Variants in SNX29 observed in about 807,000 individuals in gnomAD.
SNX29 encodes the protein sorting nexin 29.
Under a neutral mutation model 102.1 loss-of-function variants are expected in SNX29, and 78 were observed. That is an observed-to-expected ratio of 0.76 (90% CI 0.64 to 0.92). The LOEUF (loss-of-function observed/expected upper bound fraction) is 0.92, where lower values mean the gene tolerates loss of function less well. Ranked by LOEUF, SNX29 falls within the 40% of genes least tolerant of loss-of-function variation. The pLI is 0.00. For synonymous variants in SNX29, 580 were observed against 414.5 expected (o/e 1.40, Z -4.85); for missense variants, 1,280 against 1,061.7 (o/e 1.21, Z -2.86).
intron 8 of SNX29, among the ~76,000 whole-genome samples, chr16:12,053,924 G>T (rs2050411565): frequency 6.6e-6 from 1 of 151,762 alleles, no homozygotes; most frequent in African/African-American, 2.4e-5. Flanking sequence ...GCTAAATTGA[G>T]ATTTGGATTC....
chr16:12,182,191 T>G (rs1035579928), intron 13 of SNX29, among the ~76,000 whole-genome samples: 18 of 24,010 alleles, frequency 7.5e-4, no homozygotes, highest in South Asian at 3.8e-3. Flanking sequence ...CCGGCCTAGT[T>G]TTTTTTTTTT....
chr16:12,538,871 G>C lies in SNX29; in HGVS notation c.2318+14030G>C, dbSNP rs556552140. On this transcript the variant is annotated intron_variant, in intron 20 of 20. Coordinates refer to ENST00000566228, the MANE Select transcript of SNX29 (RefSeq NM_032167.5). ...GAGGGGCACAGAGAACGGTAGATGG[G>C]GCCATTTGTACACTTGCACAGATTA... Among the ~76,000 whole-genome samples the C allele has an allele frequency of 2.0e-5, 3 of 151,462 alleles. No homozygotes were observed. In the East Asian group the frequency reaches 5.9e-4, roughly 30 times the overall value.
intron 14 of SNX29, among the ~76,000 whole-genome samples, chr16:12,209,543 G>A (rs555132189): frequency 5.3e-5 from 8 of 152,234 alleles, no homozygotes; most frequent in Non-Finnish European, 7.4e-5. Context: ...TCTCCAGCTC[G>A]AGACCCCTCA....
At chr16:12,135,619 G>T in intron 13 of SNX29, 3 of 1,345,630 alleles carry the variant, frequency 2.2e-6, no homozygotes, top group Non-Finnish European at 2.9e-6. Context: ...AATGGAGGGA[G>T]AGAGAAATCA....
chr16:12,111,641 C>A (rs994825416), intron 11 of SNX29, among the ~76,000 whole-genome samples: 1 of 152,176 alleles, frequency 6.6e-6, no homozygotes, highest in Non-Finnish European at 1.5e-5. Flanking sequence ...TGGCTTTGGG[C>A]ATAGCCACCC....
At chr16:12,336,789 G>GA (rs1051257235) in intron 15 of SNX29, among the ~76,000 whole-genome samples, 11 of 152,038 alleles carry the variant, frequency 7.2e-5, no homozygotes, top group South Asian at 2.1e-4. Flanking sequence ...TACTAAAATT[G>GA]AAAAAAATTA....
chr16:12,563,370 C>G (rs1027253763), intron 20 of SNX29, among the ~76,000 whole-genome samples: 1 of 152,152 alleles, frequency 6.6e-6, no homozygotes, highest in African/African-American at 2.4e-5. Flanking sequence ...TTTATCGCCA[C>G]GTTGATATTT....
chr16:12,285,508 G>A (rs1383015885), intron 15 of SNX29, among the ~76,000 whole-genome samples: 2 of 152,152 alleles, frequency 1.3e-5, no homozygotes, highest in East Asian at 3.8e-4. Flanking sequence ...TGGCAGAGTC[G>A]CTATTAATGG....
At chr16:12,542,303 G>C (rs1042647443) in intron 20 of SNX29, among the ~76,000 whole-genome samples, 2 of 152,180 alleles carry the variant, frequency 1.3e-5, no homozygotes, top group Non-Finnish European at 2.9e-5. Flanking sequence ...CAAGATCACA[G>C]CTAGTAAGTT....
intron 20 of SNX29, chr16:12,545,485 C>T (rs2077552874): frequency 6.6e-6 from 1 of 152,262 alleles, no homozygotes. Context: ...TCTCCTCCTG[C>T]AACTGTGGCA....
chr16:12,150,502 A>G (rs527606355), intron 13 of SNX29, among the ~76,000 whole-genome samples: 3 of 152,318 alleles, frequency 2.0e-5, no homozygotes, highest in African/African-American at 4.8e-5. Flanking sequence ...CTTCAGTGAG[A>G]TTGTGCCGCC....
intron 18 of SNX29, among the ~76,000 whole-genome samples, chr16:12,452,875 C>G (rs1335060865): frequency 6.6e-6 from 1 of 152,160 alleles, no homozygotes; most frequent in Non-Finnish European, 1.5e-5. Context: ...AAAATTGCTC[C>G]TTGTTCTGAC....
chr16:12,556,037 C>G (rs574198568), intron 20 of SNX29, among the ~76,000 whole-genome samples: 20 of 152,260 alleles, frequency 1.3e-4, no homozygotes, highest in South Asian at 1.0e-3. Context: ...CACCGTAGTG[C>G]TGAGTGACGC....
At chr16:12,181,361 T>C (rs2076380360) in intron 13 of SNX29, among the ~76,000 whole-genome samples, 4 of 152,076 alleles carry the variant, frequency 2.6e-5, no homozygotes. Context: ...AAGATGAACA[T>C]TGGTTCGGTC....
chr16:12,304,310 A>G (rs2080272015), intron 15 of SNX29, among the ~76,000 whole-genome samples: 4 of 151,340 alleles, frequency 2.6e-5, no homozygotes, highest in African/African-American at 9.7e-5. Flanking sequence ...TTGTTGTTGC[A>G]CTCCCAGGCT....
At chr16:11,981,905 T>C (rs1428283466) in intron 1 of SNX29, among the ~76,000 whole-genome samples, 1 of 152,104 alleles carries the variant, frequency 6.6e-6, no homozygotes, top group African/African-American at 2.4e-5. Flanking sequence ...GTTAATGTTC[T>C]GTAAGAAAAG....
chr16:12,252,554 A>G (rs540306049), intron 14 of SNX29, among the ~76,000 whole-genome samples: 15 of 152,304 alleles, frequency 9.8e-5, no homozygotes, highest in African/African-American at 3.4e-4. Flanking sequence ...ATCATCACCC[A>G]ATAATAATCA....
At position 12,569,469 on chromosome 16, in the gene SNX29, G is replaced by C. The variant is rs1007218161; in HGVS notation, c.*840G>C. The C allele has an allele frequency of 2.6e-5, 6 of 231,326 alleles. No homozygotes were observed. In the East Asian group the frequency reaches 3.7e-4, roughly 14 times the overall value. 14.3% of individuals were successfully genotyped at this position (231,326 alleles called of 1,614,324 possible). ...GGCCCTACAGTCATGAGAGACTTGG[G>C]TCAGGGAACCACTGCAGAAGGTTCC... On this transcript the variant is annotated 3_prime_UTR_variant, in exon 21 of 21. Coordinates refer to ENST00000566228, the MANE Select transcript of SNX29 (RefSeq NM_032167.5).
At chr16:12,072,006 T>C (rs1303528520) in intron 10 of SNX29, among the ~76,000 whole-genome samples, 7 of 152,316 alleles carry the variant, frequency 4.6e-5, no homozygotes, top group African/African-American at 1.7e-4. Context: ...GTGATTTTTG[T>C]ACATTGATTT....
Sources: gnomAD v4.1 joint callset for allele counts (sites outside exome capture counted in the v4.1 genomes callset) on GRCh38, gnomAD v4.1.1 for gene constraint, MANE v1.5 for transcripts, NCBI Gene and HGNC (gene_info 2026-07-23, HGNC 2026-07-21) for gene names.